Variants in SMNDC1 observed in about 807,000 individuals in gnomAD.
The protein encoded by SMNDC1 is survival motor neuron domain containing 1.
Under a neutral mutation model 29.2 loss-of-function variants are expected in SMNDC1, and 5 were observed. The ratio of observed to expected loss-of-function variants is 0.17; its 90% CI spans 0.09 to 0.36. SMNDC1 has a LOEUF of 0.36. Ranked by LOEUF, SMNDC1 falls within the 10% of genes least tolerant of loss-of-function variation. The pLI, the probability that SMNDC1 is intolerant of heterozygous loss-of-function variation, is 1.00. For synonymous variants in SMNDC1, 80 were observed against 89.9 expected (o/e 0.89, Z 0.62); for missense variants, 142 against 268.5 (o/e 0.53, Z 3.29).
At chr10:110,304,499 G>T (rs111868614) in intron 1 of SMNDC1, 1 of 152,190 alleles carries the variant, frequency 6.6e-6, no homozygotes, top group Non-Finnish European at 1.5e-5. Flanking sequence ...TCCACAGGGA[G>T]CCGCGCGGCG....
At position 110,304,760 on chromosome 10, in the gene SMNDC1, T is replaced by TGGGGGCGGGGCGGCGGGAA. The variant is rs1857719837; in HGVS notation, c.-32_-14dup. On this transcript the variant is annotated 5_prime_UTR_variant, in exon 1 of 6. Coordinates refer to ENST00000369603, the MANE Select transcript of SMNDC1 (RefSeq NM_005871.4). ...GGGGGGTTGTTACCTTGTGTGGGGC[T>TGGGGGCGGGGCGGCGGGAA]GGGGGCGGGGCGGCGGGAAGGGGTC... 1 of 87,290 alleles carries TGGGGGCGGGGCGGCGGGAA rather than the reference T, an allele frequency of 1.1e-5. No individual in the cohort carries two copies. The highest frequency in any genetic ancestry group is 2.6e-5 in the Non-Finnish European group (1 of 38,908). 5.4% of individuals were successfully genotyped at this position (87,290 alleles called of 1,614,324 possible). A position where few individuals can be genotyped will look rare whatever the true frequency, so the allele number is the denominator to read the frequency against.
intron 2 of SMNDC1, among the ~76,000 whole-genome samples, chr10:110,301,658 G>T (rs907318170): frequency 1.3e-5 from 2 of 152,136 alleles, no homozygotes; most frequent in African/African-American, 4.8e-5. Flanking sequence ...AGTGGCTATG[G>T]TACTGAATAG....
intron 2 of SMNDC1, among the ~76,000 whole-genome samples, chr10:110,303,232 T>G (rs920882496): frequency 1.3e-5 from 2 of 152,236 alleles, no homozygotes; most frequent in Non-Finnish European, 2.9e-5. Flanking sequence ...CAACTTTAGT[T>G]TTTAAAAATT....
In SMNDC1 at chr10:110,294,056, T is replaced by C. The variant is rs775975883; in HGVS notation, c.*94A>G. On this transcript the variant is annotated 3_prime_UTR_variant, in exon 6 of 6. Coordinates refer to ENST00000369603, the MANE Select transcript of SMNDC1 (RefSeq NM_005871.4). ...CCAATGACGACAATGGTATCTTGCT[T>C]ACTCATCTAACAAATAATTTACCTT... The C allele has an allele frequency of 3.7e-5, 36 of 981,012 alleles. No homozygotes were observed. The highest frequency in any genetic ancestry group is 4.9e-5 in the Non-Finnish European group (34 of 696,198). The allele number at this position is 981,012 out of a possible 1,614,324, so 60.8% of individuals were successfully genotyped here.
chr10:110,294,373 C>G, intron 5 of SMNDC1, 86 bp from the exon 6 acceptor site: 1 of 1,136,184 alleles, frequency 8.8e-7, no homozygotes, highest in Non-Finnish European at 1.2e-6. Context: ...AAAATATATT[C>G]TGGTTTCAAC....
intron 3 of SMNDC1, among the ~76,000 whole-genome samples, chr10:110,298,002 C>CT (rs944466949): frequency 1.3e-5 from 2 of 151,960 alleles, no homozygotes; most frequent in Non-Finnish European, 2.9e-5. Context: ...CTTTTTTTCT[C>CT]TTTTTTGCGA....
Position 110,292,259 on chromosome 10 carries a change from C to A in SMNDC1, c.*1891G>T, listed in dbSNP as rs544850093. On this transcript the variant is annotated 3_prime_UTR_variant, in exon 6 of 6. Coordinates refer to ENST00000369603, the MANE Select transcript of SMNDC1 (RefSeq NM_005871.4). ...TCTTTGACACAAAGGTTGCTGATTTCATTCTAAAGGTCTATTTTCAAAACA... is the reference window on the plus strand; with the variant it reads ...TCTTTGACACAAAGGTTGCTGATTTAATTCTAAAGGTCTATTTTCAAAACA... 1.4e-5 allele frequency: 2 copies of A among 147,962 alleles called. No individual in the cohort carries two copies. Among genetic ancestry groups the A allele is most frequent in the Non-Finnish European group, 3.0e-5 (2 of 67,244 alleles). The allele number at this position is 147,962 out of a possible 1,614,324, so 9.2% of individuals were successfully genotyped here.
At chr10:110,303,041 C>T (rs1000644394) in intron 2 of SMNDC1, among the ~76,000 whole-genome samples, 3 of 152,048 alleles carry the variant, frequency 2.0e-5, no homozygotes, top group East Asian at 3.9e-4. Flanking sequence ...AAAAAAGGCA[C>T]GCATTTTCAA....
rs748971084 is a variant in SMNDC1 at position 110,298,628 on chromosome 10, GTTTT to G, written c.263+16_263+19del. On this transcript the variant is annotated intron_variant, in intron 3 of 5. Transcript: ENST00000369603. ...TTTATTATTTCATGTTATAGTTAGA[GTTTT>G]TTTTTCTACACTTACTGTCCATCTT... is the stretch of plus-strand genomic sequence containing the variant. 2 of 1,542,650 alleles carry G rather than the reference GTTTT, an allele frequency of 1.3e-6. No homozygotes were observed. Among genetic ancestry groups the G allele is most frequent in the Non-Finnish European group, 1.8e-6 (2 of 1,132,670 alleles).
chr10:110,300,628 C>A, intron 2 of SMNDC1: 9 of 985,404 alleles, frequency 9.1e-6, no homozygotes, highest in Non-Finnish European at 1.1e-5. Context: ...CAGTAATCGG[C>A]AATTCCAGGA....
intron 2 of SMNDC1, 82 bp downstream of exon 2, chr10:110,303,386 T>C (rs1477236948): frequency 5.9e-6 from 8 of 1,357,846 alleles, no homozygotes; most frequent in Non-Finnish European, 7.9e-6. Context: ...GTGTAACCCC[T>C]CAAAAGGCGC....
intron 3 of SMNDC1, 50 bp downstream of exon 3, chr10:110,298,598 T>G: frequency 6.8e-7 from 1 of 1,473,050 alleles, no homozygotes; most frequent in Non-Finnish European, 9.3e-7. Flanking sequence ...TTCTTACCAT[T>G]GTATTTTATT....
intron 4 of SMNDC1, 107 bp from the exon 5 acceptor site, chr10:110,295,488 G>A: frequency 4.3e-6 from 3 of 701,042 alleles, no homozygotes; most frequent in East Asian, 6.2e-5. Context: ...CATATACAAT[G>A]GTCTATGAAT....
chr10:110,304,131 A>G (rs1257822741), intron 1 of SMNDC1: 2 of 152,340 alleles, frequency 1.3e-5, no homozygotes, highest in African/African-American at 2.4e-5. Flanking sequence ...TTATCGGTGC[A>G]TTATCTTCAG....
At chr10:110,300,854 A>T in intron 2 of SMNDC1, 5 of 287,416 alleles carry the variant, frequency 1.7e-5, no homozygotes, top group Non-Finnish European at 2.1e-5. Context: ...GGAGCTAGTC[A>T]GCTAGCTAGC....
Position 110,302,653 on chromosome 10 carries a change from A to G in SMNDC1, c.120+815T>C, listed in dbSNP as rs1016580454. 2.6e-5 allele frequency among the ~76,000 whole-genome samples: 4 copies of G among 152,212 alleles called. No homozygotes were observed. The East Asian group carries it at 5.8e-4, about 22-fold the overall frequency. ...GCAATCTCTAATCAAAACACCCTTG[A>G]AACTTTTTAAAAATCAGGTTCAGAA... On this transcript the variant is annotated intron_variant, in intron 2 of 5. Coordinates refer to ENST00000369603, the MANE Select transcript of SMNDC1 (RefSeq NM_005871.4).
rs1287304234 is a variant in SMNDC1 at position 110,290,840 on chromosome 10, T to C, written c.*3310A>G. 2 of 152,208 alleles carry C rather than the reference T, an allele frequency of 1.3e-5. No homozygotes were observed. Among genetic ancestry groups the C allele is most frequent in the Admixed American group, 1.3e-4 (2 of 15,280 alleles). 9.4% of individuals were successfully genotyped at this position (152,208 alleles called of 1,614,324 possible). On this transcript the variant is annotated 3_prime_UTR_variant, in exon 6 of 6. Transcript: ENST00000369603. ...AATCAAAGCTTTAAATTTTTTTTGG[T>C]TGAATTTACAACTGGTAGTTTTTTA...
chr10:110,297,887 T>G (rs979671820), intron 3 of SMNDC1, 159 bp from the exon 4 acceptor site: 4 of 628,946 alleles, frequency 6.4e-6, no homozygotes, highest in Non-Finnish European at 1.0e-5. Context: ...TGGTTGAAGT[T>G]AGTTATCTGC....
chr10:110,294,473 T>C (rs562714277), intron 5 of SMNDC1, among the ~76,000 whole-genome samples, 186 bp from the exon 6 acceptor site: 7 of 152,322 alleles, frequency 4.6e-5, no homozygotes, highest in Admixed American at 1.3e-4. Context: ...TACTGTAACT[T>C]CTAAGTTGTG....
Sources: allele counts gnomAD v4.1 joint callset (sites outside exome capture counted in the v4.1 genomes callset), GRCh38; gene constraint gnomAD v4.1.1; transcripts MANE v1.5; gene names NCBI Gene and HGNC (gene_info 2026-07-23, HGNC 2026-07-21).